The following C6orf58 variants were observed in gnomAD, a reference collection of about 807,000 sequenced individuals.
C6orf58 encodes the protein chromosome 6 open reading frame 58.
A neutral mutation model predicts 37.0 loss-of-function variants in C6orf58; 30 were observed. The observed-to-expected ratio is 0.81, with a 90% CI of 0.61 to 1.10. The LOEUF (loss-of-function observed/expected upper bound fraction) is 1.10, where lower values mean the gene tolerates loss of function less well. Among genes scored for constraint, C6orf58 ranks in the 50% least tolerant of loss-of-function variants. The probability of loss-of-function intolerance (pLI) is 0.00; values close to 1 mark genes in which losing one functional copy is unlikely to be tolerated. For missense variants in C6orf58, 368 were observed against 387.5 expected (o/e 0.95, Z 0.42); for synonymous variants, 143 against 134.1 (o/e 1.07, Z -0.46).
intron 4 of C6orf58, among the ~76,000 whole-genome samples, chr6:127,589,304 A>T (rs1030566095): frequency 6.6e-6 from 1 of 152,192 alleles, no homozygotes; most frequent in African/African-American, 2.4e-5. Context: ...TTGAAACAGA[A>T]TGTACCTGCT....
chr6:127,588,531 CAAAT>C (rs1229689009), intron 4 of C6orf58, among the ~76,000 whole-genome samples: 2 of 152,142 alleles, frequency 1.3e-5, no homozygotes, highest in Non-Finnish European at 2.9e-5. Flanking sequence ...TGCATATACT[CAAAT>C]AAAACTCTGT....
Position 127,577,434 on chromosome 6 carries a change from A to G in C6orf58, c.249A>G (p.Glu83=), listed in dbSNP as rs747214907. 9 of 1,613,640 alleles carry G rather than the reference A, an allele frequency of 5.6e-6. No homozygotes were observed. The highest frequency in any genetic ancestry group is 7.6e-6 in the Non-Finnish European group (9 of 1,179,710). ...TTGCAAAATTTGCACCAGATAATGA[A>G]CAGAATATTTTATGGGGGTTGCCTC... is the stretch of plus-strand genomic sequence containing the variant. ...RYFAKFAPDN[E]QNILWGLPLQ... The change falls in exon 1 of 6, where the codon GAA becomes GAG. Residue 83 remains glutamate (E), a synonymous_variant. Transcript: ENST00000329722.
At chr6:127,579,960 T>G (rs998873707) in intron 2 of C6orf58, among the ~76,000 whole-genome samples, 6 of 150,226 alleles carry the variant, frequency 4.0e-5, no homozygotes, top group Non-Finnish European at 7.4e-5. Flanking sequence ...TCTTCCATTC[T>G]TACTTAATGC....
chr6:127,578,376 C>T (rs115462592), intron 1 of C6orf58, among the ~76,000 whole-genome samples: 1 of 151,956 alleles, frequency 6.6e-6, no homozygotes, highest in South Asian at 2.1e-4. Context: ...CATCTCTTTT[C>T]ATCTGTATGC....
Position 127,578,826 on chromosome 6 carries a change from T to A in C6orf58, c.388+54T>A, listed in dbSNP as rs9385435. 0.041 allele frequency: 53,928 copies of A among 1,316,576 alleles called. 6,509 individuals are homozygous for A. In the East Asian group the frequency reaches 0.43, roughly 11 times the overall value. 81.6% of individuals were successfully genotyped at this position (1,316,576 alleles called of 1,614,324 possible). On this transcript the variant is annotated intron_variant, in intron 2 of 5. Transcript: ENST00000329722. ...ATTAACCTTTCCTGAAAGAAAGCATTCAAACCTAAAATCTTAGGGACAGAG... is the reference window on the plus strand; with the variant it reads ...ATTAACCTTTCCTGAAAGAAAGCATACAAACCTAAAATCTTAGGGACAGAG...
intron 4 of C6orf58, among the ~76,000 whole-genome samples, chr6:127,584,128 C>A (rs965868451): frequency 1.3e-5 from 2 of 152,290 alleles, no homozygotes; most frequent in Middle Eastern, 3.4e-3. Flanking sequence ...TTTCTAATAA[C>A]CTTTTCACTA....
In C6orf58 at chr6:127,590,087, A is replaced by G. The variant is rs1308728276; in HGVS notation, c.675A>G (p.Arg225=). 1.5e-5 allele frequency: 24 copies of G among 1,600,458 alleles called. No individual in the cohort carries two copies. The Admixed American group carries it at 3.5e-4, about 24-fold the overall frequency. The part of the protein sequence containing the change: ...LADNIKSFED[R]YDYYSKAEAH... ...AAATACTTTTCCGTTTGTCTTTTAG[A>G]TATGATTATTATTCTAAAGCAGAAG... Residue 225 remains arginine (R), a splice_region_variant and synonymous_variant, in exon 5 of 6, where the codon AGA becomes AGG. Coordinates refer to ENST00000329722, the MANE Select transcript of C6orf58 (RefSeq NM_001010905.3).
At chr6:127,589,988 A>G (rs1775144803) in intron 4 of C6orf58, 99 bp from the exon 5 acceptor site, 6 of 760,108 alleles carry the variant, frequency 7.9e-6, no homozygotes, top group Non-Finnish European at 1.3e-5. Flanking sequence ...AAAATTATGA[A>G]TTTAGTTTGT....
At chr6:127,584,109 T>C (rs148204687) in intron 4 of C6orf58, among the ~76,000 whole-genome samples, 2 of 152,336 alleles carry the variant, frequency 1.3e-5, no homozygotes, top group African/African-American at 4.8e-5. Flanking sequence ...GAATGCCCTA[T>C]AAGGACATTT....
chr6:127,584,969 A>G (rs927257012), intron 4 of C6orf58, among the ~76,000 whole-genome samples: 5 of 152,136 alleles, frequency 3.3e-5, no homozygotes, highest in African/African-American at 4.8e-5. Context: ...TTAGTAATCA[A>G]TTAATTCTTG....
intron 3 of C6orf58, 108 bp downstream of exon 3, chr6:127,580,557 T>C: frequency 1.4e-6 from 1 of 735,650 alleles, no homozygotes; most frequent in Non-Finnish European, 2.3e-6. Context: ...TATGCAGATG[T>C]AAATTGCTAT....
intron 4 of C6orf58, among the ~76,000 whole-genome samples, chr6:127,589,127 C>T (rs751309698): frequency 8.6e-5 from 13 of 152,006 alleles, no homozygotes; most frequent in Non-Finnish European, 8.8e-5. Flanking sequence ...ATCAGATAAT[C>T]GAATTTCTAG....
chr6:127,587,110 C>A (rs977306286), intron 4 of C6orf58, among the ~76,000 whole-genome samples: 5 of 152,128 alleles, frequency 3.3e-5, no homozygotes, highest in African/African-American at 9.7e-5. Context: ...TCTATTAAAT[C>A]TTTTCAACTA....
In C6orf58 at chr6:127,591,670, A is replaced by G; in HGVS notation, c.*48A>G. 7.0e-7 allele frequency: 1 copy of G among 1,425,130 alleles called. No homozygotes were observed. Among genetic ancestry groups the G allele is most frequent in the Non-Finnish European group, 9.2e-7 (1 of 1,081,168 alleles). 88.3% of individuals were successfully genotyped at this position (1,425,130 alleles called of 1,614,324 possible). On this transcript the variant is annotated 3_prime_UTR_variant, in exon 6 of 6. Coordinates refer to ENST00000329722, the MANE Select transcript of C6orf58 (RefSeq NM_001010905.3). ...GAAATGATTAATGAATTAAAAATGA[A>G]AAACTCGAACTTGACAATCAGTAAT...
rs761613441 is a variant in C6orf58, at chr6:127,578,677, C to T, written c.302-9C>T. On this transcript the variant is annotated splice_polypyrimidine_tract_variant and intron_variant, in intron 1 of 5. Coordinates refer to ENST00000329722, the MANE Select transcript of C6orf58 (RefSeq NM_001010905.3). ...TAATAAATACGACTGTGCATCCTCT[C>T]TCCTCCAGGCAGATTAGCTGATCCA... 1 of 1,604,658 alleles carries T rather than the reference C, an allele frequency of 6.2e-7. No homozygotes were observed. Among genetic ancestry groups the T allele is most frequent in the South Asian group, 1.1e-5 (1 of 90,646 alleles).
At chr6:127,581,738 G>A (rs1775053078) in intron 4 of C6orf58, among the ~76,000 whole-genome samples, 1 of 152,102 alleles carries the variant, frequency 6.6e-6, no homozygotes, top group African/African-American at 2.4e-5. Flanking sequence ...TGGGCAGGCA[G>A]TATTTATAGA....
At chr6:127,580,067 A>G (rs1027045118) in intron 2 of C6orf58, among the ~76,000 whole-genome samples, 198 bp from the exon 3 acceptor site, 1 of 152,108 alleles carries the variant, frequency 6.6e-6, no homozygotes, top group African/African-American at 2.4e-5. Flanking sequence ...TTATGACTAT[A>G]AGGTTATTAA....
At chr6:127,586,995 C>A (rs1236916513) in intron 4 of C6orf58, among the ~76,000 whole-genome samples, 1 of 152,144 alleles carries the variant, frequency 6.6e-6, no homozygotes. Context: ...TCTCCTTTTA[C>A]CCAGAAGGTA....
intron 5 of C6orf58, among the ~76,000 whole-genome samples, chr6:127,591,182 CT>C (rs1179436565): frequency 6.6e-6 from 1 of 152,012 alleles, no homozygotes; most frequent in Non-Finnish European, 1.5e-5. Flanking sequence ...TTTCTTGGAG[CT>C]TTTTCCCAAA....
Sources: gnomAD v4.1 joint callset for allele counts (sites outside exome capture counted in the v4.1 genomes callset) on GRCh38, gnomAD v4.1.1 for gene constraint, MANE v1.5 for transcripts, NCBI Gene and HGNC (gene_info 2026-07-23, HGNC 2026-07-21) for gene names.